LRIG2: variants seen among roughly 807,000 people sequenced by gnomAD.
The protein encoded by LRIG2 is leucine rich repeats and immunoglobulin like domains 2.
In LRIG2, 93 loss-of-function variants were observed where a neutral mutation model predicts 107.8. That is an observed-to-expected ratio of 0.86 (90% CI 0.73 to 1.03). The LOEUF (loss-of-function observed/expected upper bound fraction) is 1.03, where lower values mean the gene tolerates loss of function less well. Ranked by LOEUF, LRIG2 falls within the 50% of genes least tolerant of loss-of-function variation. The pLI, the probability that LRIG2 is intolerant of heterozygous loss-of-function variation, is 0.00. For synonymous variants in LRIG2, 471 were observed against 470.6 expected, an observed-to-expected ratio of 1.00 and a Z score of -0.01; for missense variants, 1,226 against 1,296.0, an observed-to-expected ratio of 0.95 and a Z score of 0.83.
chr1:113,115,175 C>T (rs917885797), intron 15 of LRIG2, among the ~76,000 whole-genome samples: 3 of 152,176 alleles, frequency 2.0e-5, no homozygotes, highest in African/African-American at 4.8e-5. Context: ...TATAACAGAA[C>T]CTCTTTGAGG....
chr1:113,106,482 T>C (rs1276069812), intron 11 of LRIG2, among the ~76,000 whole-genome samples: 3 of 152,066 alleles, frequency 2.0e-5, no homozygotes, highest in Non-Finnish European at 4.4e-5. Context: ...GCATTACACA[T>C]TGCACGGTGT....
intron 1 of LRIG2, among the ~76,000 whole-genome samples, chr1:113,084,480 A>G (rs942966179): frequency 1.6e-4 from 25 of 152,062 alleles, no homozygotes; most frequent in Admixed American, 3.3e-4. Flanking sequence ...CTCCCAAAGT[A>G]CTGGGATTAC....
intron 1 of LRIG2, among the ~76,000 whole-genome samples, chr1:113,091,115 G>T (rs1225692755): frequency 6.6e-6 from 1 of 152,006 alleles, no homozygotes; most frequent in Non-Finnish European, 1.5e-5. Flanking sequence ...TGTATTTTTA[G>T]TAGAGATGGT....
intron 1 of LRIG2, among the ~76,000 whole-genome samples, chr1:113,076,366 G>C: frequency 6.6e-6 from 1 of 152,302 alleles, no homozygotes; most frequent in African/African-American, 2.4e-5. Context: ...GTAATTTTAT[G>C]TAAGATATAT....
rs143162030 is a variant in LRIG2 at position 113,113,463 on chromosome 1, T to C, written c.2080+703T>C. ...CTATTTTCCTATATGTCAGTTATTATTATTATTTTTTTTAAGTTTGTTGGT... is the reference window on the plus strand; with the variant it reads ...CTATTTTCCTATATGTCAGTTATTACTATTATTTTTTTTAAGTTTGTTGGT... On this transcript the variant is annotated intron_variant, in intron 14 of 17. Coordinates refer to ENST00000361127, the MANE Select transcript of LRIG2 (RefSeq NM_014813.3). Among the ~76,000 whole-genome samples, 33 of 148,196 alleles carry C rather than the reference T, an allele frequency of 2.2e-4. No individual in the cohort carries two copies. In the East Asian group the frequency reaches 5.4e-3, roughly 24 times the overall value.
chr1:113,115,696 T>G (rs1219200332), intron 15 of LRIG2, among the ~76,000 whole-genome samples: 2 of 151,484 alleles, frequency 1.3e-5, no homozygotes, highest in Non-Finnish European at 2.9e-5. Flanking sequence ...CCCAGCTAAT[T>G]TTTGTATTTT....
intron 1 of LRIG2, among the ~76,000 whole-genome samples, chr1:113,088,020 C>T (rs1460295861): frequency 6.6e-6 from 1 of 152,176 alleles, no homozygotes; most frequent in Non-Finnish European, 1.5e-5. Flanking sequence ...CAGATCAATC[C>T]ATGTAATTCT....
chr1:113,132,217 T>C lies in LRIG2; in HGVS notation c.*8116T>C, dbSNP rs561784477. ...ATAGAGCATGTGTTTGTCTACTTGT[T>C]TGTCTACTATAATATGTCTTTAATA... is the stretch of plus-strand genomic sequence containing the variant. On this transcript the variant is annotated 3_prime_UTR_variant, in exon 18 of 18. Coordinates refer to ENST00000361127, the MANE Select transcript of LRIG2 (RefSeq NM_014813.3). 6.6e-6 allele frequency: 1 copy of C among 152,066 alleles called. No homozygotes were observed. Among genetic ancestry groups the C allele is most frequent in the Admixed American group, 6.6e-5 (1 of 15,252 alleles). 9.4% of individuals were successfully genotyped at this position (152,066 alleles called of 1,614,324 possible).
At chr1:113,080,019 A>ATTTTTT (rs35584269) in intron 1 of LRIG2, among the ~76,000 whole-genome samples, 1 of 112,636 alleles carries the variant, frequency 8.9e-6, no homozygotes, top group African/African-American at 3.7e-5. Flanking sequence ...CCTGGCCCGA[A>ATTTTTT]TTTTTTTTTT....
At chr1:113,079,343 A>AT (rs1222598583) in intron 1 of LRIG2, among the ~76,000 whole-genome samples, 14 of 124,204 alleles carry the variant, frequency 1.1e-4, no homozygotes, top group African/African-American at 2.7e-4. Flanking sequence ...GCAAGATCCT[A>AT]TTTAAAAAAA....
In LRIG2 at chr1:113,094,766, G is replaced by A. The variant is rs754404911; in HGVS notation, c.803+11G>A. 1.1e-5 allele frequency: 18 copies of A among 1,606,382 alleles called. No homozygotes were observed. The East Asian group carries it at 2.0e-4, about 18-fold the overall frequency. On this transcript the variant is annotated intron_variant, in intron 6 of 17. Coordinates refer to ENST00000361127, the MANE Select transcript of LRIG2 (RefSeq NM_014813.3). ...TAACATGGAAGAACTGTAAGTACTCGGGACTAGAGGTGATTATTAGGAAAG... is the reference window on the plus strand; with the variant it reads ...TAACATGGAAGAACTGTAAGTACTCAGGACTAGAGGTGATTATTAGGAAAG...
At chr1:113,074,295 T>G (rs1652856309) in intron 1 of LRIG2, among the ~76,000 whole-genome samples, 1 of 152,228 alleles carries the variant, frequency 6.6e-6, no homozygotes, top group African/African-American at 2.4e-5. Flanking sequence ...CAGAACCATT[T>G]GATGCTTTGT....
intron 12 of LRIG2, among the ~76,000 whole-genome samples, chr1:113,109,799 G>A (rs926306200): frequency 6.6e-6 from 1 of 152,184 alleles, no homozygotes; most frequent in Admixed American, 6.5e-5. Context: ...GATTACAGGT[G>A]TGAGCCACCG....
chr1:113,119,192 C>T (rs779146448), intron 16 of LRIG2, 41 bp from the exon 17 acceptor site: 1 of 1,571,986 alleles, frequency 6.4e-7, no homozygotes, highest in Non-Finnish European at 8.7e-7. Context: ...AAAAATAATT[C>T]CTTAACAGAA....
chr1:113,096,154 A>G, intron 7 of LRIG2, 68 bp from the exon 8 acceptor site: 15 of 1,585,792 alleles, frequency 9.5e-6, no homozygotes, highest in Non-Finnish European at 1.3e-5. Flanking sequence ...TACCATGTAG[A>G]TATAATAAGA....
intron 11 of LRIG2, among the ~76,000 whole-genome samples, chr1:113,101,030 G>A (rs1654286715): frequency 6.6e-6 from 1 of 152,000 alleles, no homozygotes. Flanking sequence ...ATTTCCCTAG[G>A]GGATTGGAGG....
At chr1:113,108,315 CCGGGTTCAAG>C (rs1293036597) in intron 12 of LRIG2, among the ~76,000 whole-genome samples, 3 of 151,224 alleles carry the variant, frequency 2.0e-5, no homozygotes, top group African/African-American at 7.3e-5. Context: ...CCTCTGCCTC[CCGGGTTCAAG>C]CGATTCTCCT....
chr1:113,091,603 A>C (rs924320621), intron 2 of LRIG2, among the ~76,000 whole-genome samples: 9 of 152,196 alleles, frequency 5.9e-5, no homozygotes, highest in African/African-American at 1.7e-4. Context: ...CTGTGGGGGA[A>C]ATATTCTACC....
intron 11 of LRIG2, among the ~76,000 whole-genome samples, chr1:113,106,324 A>G (rs909934923): frequency 1.5e-4 from 23 of 152,358 alleles, no homozygotes; most frequent in Middle Eastern, 3.4e-3. Flanking sequence ...GATCATGCAC[A>G]TAAAGCAAGT....
Sources: gnomAD v4.1 joint callset for allele counts (sites outside exome capture counted in the v4.1 genomes callset) on GRCh38, gnomAD v4.1.1 for gene constraint, MANE v1.5 for transcripts, NCBI Gene and HGNC (gene_info 2026-07-23, HGNC 2026-07-21) for gene names.